POLA1: variants seen among roughly 807,000 people sequenced by gnomAD.
POLA1 encodes the protein DNA polymerase alpha catalytic subunit.
A neutral mutation model predicts 124.0 loss-of-function variants in POLA1; 15 were observed. The ratio of observed to expected loss-of-function variants is 0.12; its 90% CI spans 0.08 to 0.19. The LOEUF is 0.19. POLA1 is among the 10% of genes least tolerant of loss of function. The pLI is 1.00. For synonymous variants in POLA1, 408 were observed against 389.4 expected, an observed-to-expected ratio of 1.05 and a Z score of -0.56; for missense variants, 886 against 1,103.4, an observed-to-expected ratio of 0.80 and a Z score of 2.79.
At chrX:24,870,130 A>G (rs2046845606) in intron 34 of POLA1, among the ~76,000 whole-genome samples, 1 of 111,990 alleles carries the variant, frequency 8.9e-6, no homozygotes, top group Non-Finnish European at 1.9e-5. Context: ...AGTTTGCTGG[A>G]CATGTGAATA....
Position 24,821,568 on chromosome X carries a change from A to G in POLA1, c.3546A>G (p.Ser1182=), listed in dbSNP as rs146732787. The G allele has an allele frequency of 8.3e-7, 1 of 1,200,457 alleles. No homozygotes were observed. The highest frequency in any genetic ancestry group is 3.0e-5 in the East Asian group (1 of 33,676). ...GRKVKAGDTV[S]YVICQDGSNL... is the part of the protein sequence containing the mutation. The stretch of plus-strand genomic sequence containing the variant: ...AGGTGAAAGCTGGAGATACTGTGTC[A>G]TATGTCATCTGTCAGGTAAACTATT... Residue 1182 remains serine, a synonymous_variant, in exon 31 of 37, where the codon TCA becomes TCG. Coordinates refer to ENST00000379068, the MANE Select transcript of POLA1 (RefSeq NM_001330360.2).
At chrX:24,847,554 A>C (rs2147073035) in intron 34 of POLA1, among the ~76,000 whole-genome samples, 1 of 112,192 alleles carries the variant, frequency 8.9e-6, no homozygotes, top group South Asian at 3.7e-4. Context: ...CTCAAAGAAC[A>C]CATGAACAGC....
At chrX:24,715,436 A>C (rs919981856) in intron 6 of POLA1, among the ~76,000 whole-genome samples, 1 of 110,768 alleles carries the variant, frequency 9.0e-6, no homozygotes, top group East Asian at 2.8e-4. Context: ...CTAGGATTAC[A>C]GGCACCTGCC....
At chrX:24,764,845 C>T (rs929761189) in intron 26 of POLA1, among the ~76,000 whole-genome samples, 1 of 111,574 alleles carries the variant, frequency 9.0e-6, no homozygotes, top group African/African-American at 3.3e-5. Context: ...TTAGTTTAGA[C>T]CACCATCATC....
intron 26 of POLA1, among the ~76,000 whole-genome samples, chrX:24,749,654 T>C (rs1932216149): frequency 8.9e-6 from 1 of 111,858 alleles, no homozygotes; most frequent in Admixed American, 9.5e-5. Context: ...AAGAATTCTG[T>C]CATGGATGTG....
Position 24,826,567 on chromosome X carries a change from C to T in POLA1, c.3702C>T (p.Asp1234=), listed in dbSNP as rs748251538. 10 of 1,205,884 alleles carry T rather than the reference C, an allele frequency of 8.3e-6. No individual in the cohort carries two copies. In the South Asian group the frequency reaches 1.8e-4, roughly 22 times the overall value. The stretch of plus-strand genomic sequence containing the variant: ...TGGCTCGGATCTGTGAACCAATAGA[C>T]GGAATTGATGCTGTCCTCATTGCAA... ...PVVARICEPI[D]GIDAVLIATW... is the part of the protein sequence containing the mutation. Residue 1234 remains aspartate (D), a synonymous_variant, in exon 32 of 37, where the codon GAC becomes GAT. Coordinates refer to ENST00000379068, the MANE Select transcript of POLA1 (RefSeq NM_001330360.2).
chrX:24,943,573 A>G (rs993037488), intron 36 of POLA1, among the ~76,000 whole-genome samples: 1 of 112,462 alleles, frequency 8.9e-6, no homozygotes, highest in Non-Finnish European at 1.9e-5. Context: ...GCGTCTGAAC[A>G]GTAGTCTGTC....
intron 32 of POLA1, among the ~76,000 whole-genome samples, chrX:24,832,516 A>G (rs1251525442): frequency 8.9e-6 from 1 of 112,476 alleles, no homozygotes; most frequent in Non-Finnish European, 1.9e-5. Context: ...TGTATGAGTT[A>G]TGTAACAACT....
intron 26 of POLA1, among the ~76,000 whole-genome samples, chrX:24,787,713 A>G (rs1319978962): frequency 8.9e-6 from 1 of 112,050 alleles, no homozygotes; most frequent in Non-Finnish European, 1.9e-5. Context: ...TTGTGGTTCC[A>G]TACAAGTTTT....
At chrX:24,822,558 T>C (rs2046106962) in intron 31 of POLA1, among the ~76,000 whole-genome samples, 1 of 112,317 alleles carries the variant, frequency 8.9e-6, no homozygotes, top group African/African-American at 3.2e-5. Context: ...CTATATGCTG[T>C]GGATGTACAT....
intron 26 of POLA1, among the ~76,000 whole-genome samples, chrX:24,793,398 T>C (rs4898195): frequency 9.1e-6 from 1 of 109,766 alleles, no homozygotes; most frequent in Non-Finnish European, 1.9e-5. Flanking sequence ...TTTTTTTGTT[T>C]GTTTGTTTTA....
chrX:24,884,152 A>T (rs2047036254), intron 34 of POLA1, among the ~76,000 whole-genome samples: 1 of 111,239 alleles, frequency 9.0e-6, no homozygotes, highest in Non-Finnish European at 1.9e-5. Context: ...TATTTTTATT[A>T]AAAAAAATTT....
chrX:24,875,086 T>C (rs1250237213), intron 34 of POLA1, among the ~76,000 whole-genome samples: 1 of 110,349 alleles, frequency 9.1e-6, no homozygotes, highest in Admixed American at 9.7e-5. Flanking sequence ...TAAACAAATA[T>C]ATGTCAAGCA....
chrX:24,911,067 A>G (rs2047442228), intron 35 of POLA1, among the ~76,000 whole-genome samples: 1 of 112,416 alleles, frequency 8.9e-6, no homozygotes, highest in African/African-American at 3.2e-5. Flanking sequence ...GAAATCAATA[A>G]AAGAGTGATA....
intron 35 of POLA1, among the ~76,000 whole-genome samples, chrX:24,901,419 G>A (rs1249194267): frequency 9.0e-6 from 1 of 111,396 alleles, no homozygotes; most frequent in Non-Finnish European, 1.9e-5. Context: ...AAAAGGGCCA[G>A]TGTAGCAAGA....
intron 35 of POLA1, among the ~76,000 whole-genome samples, chrX:24,909,424 G>T (rs912955865): frequency 6.3e-5 from 7 of 111,945 alleles, no homozygotes; most frequent in Admixed American, 1.9e-4. Context: ...AATGTGTAAG[G>T]AAGGGATCCA....
chrX:24,713,352 G>A (rs763393978), intron 4 of POLA1, among the ~76,000 whole-genome samples: 1 of 111,713 alleles, frequency 9.0e-6, no homozygotes, highest in East Asian at 2.8e-4. Flanking sequence ...AAAATTGACG[G>A]TATTAGAAAA....
intron 34 of POLA1, among the ~76,000 whole-genome samples, chrX:24,881,279 G>A (rs1322904361): frequency 9.0e-6 from 1 of 111,577 alleles, no homozygotes; most frequent in African/African-American, 3.3e-5. Context: ...TGGTTAAAAT[G>A]GTGCATTTTT....
chrX:24,787,425 C>T (rs1220171172), intron 26 of POLA1, among the ~76,000 whole-genome samples: 1 of 111,424 alleles, frequency 9.0e-6, no homozygotes, highest in Non-Finnish European at 1.9e-5. Flanking sequence ...TTTATTCTTT[C>T]GTATGTGGAT....
Sources: allele counts gnomAD v4.1 joint callset (sites outside exome capture counted in the v4.1 genomes callset), GRCh38; gene constraint gnomAD v4.1.1; transcripts MANE v1.5; gene names NCBI Gene and HGNC (gene_info 2026-07-23, HGNC 2026-07-21).